CLEC16A: variants seen among roughly 807,000 people sequenced by gnomAD.
CLEC16A encodes C-type lectin domain containing 16A, also known as protein CLEC16A.
CLEC16A carries 51 observed loss-of-function variants against 109.5 expected under a neutral mutation model. That is an observed-to-expected ratio of 0.47 (90% CI 0.37 to 0.59). CLEC16A has a LOEUF of 0.59. Ranked by LOEUF, CLEC16A falls within the 20% of genes least tolerant of loss-of-function variation. The probability of loss-of-function intolerance (pLI) is 0.00; values close to 1 mark genes in which losing one functional copy is unlikely to be tolerated. For synonymous variants in CLEC16A, 673 were observed against 564.2 expected (o/e 1.19, Z -2.73); for missense variants, 1,339 against 1,394.0 (o/e 0.96, Z 0.63).
intron 1 of CLEC16A, among the ~76,000 whole-genome samples, chr16:10,946,494 TG>T (rs2041381742): frequency 6.6e-6 from 1 of 151,714 alleles, no homozygotes; most frequent in South Asian, 2.1e-4. Flanking sequence ...AGGACAAGTC[TG>T]GGGTGGGTAG....
intron 10 of CLEC16A, among the ~76,000 whole-genome samples, chr16:11,000,575 C>T (rs1409395728): frequency 6.6e-6 from 1 of 152,120 alleles, no homozygotes; most frequent in African/African-American, 2.4e-5. Context: ...ACCCGGCATC[C>T]TAAGTGGGCT....
chr16:10,949,524 G>T (rs947629090), intron 1 of CLEC16A, among the ~76,000 whole-genome samples: 6 of 152,010 alleles, frequency 3.9e-5, no homozygotes, highest in African/African-American at 1.5e-4. Flanking sequence ...GTGCACATTG[G>T]CAGAACTCAC....
At chr16:10,964,823 C>T (rs775618027) in intron 3 of CLEC16A, among the ~76,000 whole-genome samples, 25 of 152,132 alleles carry the variant, frequency 1.6e-4, no homozygotes, top group Non-Finnish European at 3.1e-4. Flanking sequence ...GAAATAATCA[C>T]GGCAATCAAG....
chr16:11,111,777 T>G (rs898066966), intron 19 of CLEC16A, among the ~76,000 whole-genome samples: 1 of 152,258 alleles, frequency 6.6e-6, no homozygotes, highest in African/African-American at 2.4e-5. Flanking sequence ...TCTTTTCTCC[T>G]CTAATCAGTT....
chr16:11,046,078 G>A (rs951220569), intron 16 of CLEC16A, among the ~76,000 whole-genome samples: 4 of 152,126 alleles, frequency 2.6e-5, no homozygotes, highest in Non-Finnish European at 5.9e-5. Flanking sequence ...CAAAGCCCAC[G>A]AGAAAGCAGA....
Position 11,178,507 on chromosome 16 carries a change from G to A in CLEC16A, c.2979G>A (p.Leu993=). 6.2e-7 allele frequency: 1 copy of A among 1,613,514 alleles called. No individual in the cohort carries two copies. Among genetic ancestry groups the A allele is most frequent in the African/African-American group, 1.3e-5 (1 of 75,060 alleles). ...CTGCCCGGCAGCCCACCATTTCCCT[G>A]CTCTGCGAGGACACGGCTGACACGC... The part of the protein sequence containing the change: ...LVPARQPTIS[L]LCEDTADTLS... The change falls in exon 24 of 24, where the codon CTG becomes CTA. Residue 993 remains leucine, a synonymous_variant. Transcript: ENST00000409790. This position sits in a 1 kb window ranked among gnomAD's most constrained non-coding sequence, Gnocchi z 6.5.
intron 19 of CLEC16A, among the ~76,000 whole-genome samples, chr16:11,114,785 C>T (rs2051858729): frequency 6.6e-6 from 1 of 152,118 alleles, no homozygotes; most frequent in Non-Finnish European, 1.5e-5. Context: ...AAAGGAGTCA[C>T]CCAAAACCCG....
At chr16:10,976,743 G>A (rs1321376293) in intron 7 of CLEC16A, among the ~76,000 whole-genome samples, 3 of 152,294 alleles carry the variant, frequency 2.0e-5, no homozygotes, top group South Asian at 4.1e-4. Flanking sequence ...GCTGGGAGAC[G>A]GAGACCTCCA....
At chr16:11,075,392 G>GTC (rs1166611086) in intron 19 of CLEC16A, among the ~76,000 whole-genome samples, 1 of 130,992 alleles carries the variant, frequency 7.6e-6, no homozygotes, top group African/African-American at 3.1e-5. Flanking sequence ...GTGTGTGTGT[G>GTC]TGTGTGTGTG....
At position 11,182,075 on chromosome 16, in the gene CLEC16A, C is replaced by G. The variant is rs1253818521; in HGVS notation, c.*3385C>G. 7 of 152,372 alleles carry G rather than the reference C, an allele frequency of 4.6e-5. No individual in the cohort carries two copies. The highest frequency in any genetic ancestry group is 5.9e-5 in the Non-Finnish European group (4 of 68,044). The allele number at this position is 152,372 out of a possible 1,614,324, so 9.4% of individuals were successfully genotyped here. On this transcript the variant is annotated 3_prime_UTR_variant, in exon 24 of 24. Transcript: ENST00000409790. ...CGGGACCGCTCTAGGGAAGTACCTG[C>G]TTTCGCCAGCATGACTCATGCTTCG...
chr16:10,953,750 G>A (rs1006218444), intron 1 of CLEC16A, among the ~76,000 whole-genome samples: 2 of 152,204 alleles, frequency 1.3e-5, no homozygotes, highest in East Asian at 1.9e-4. Flanking sequence ...GCTGAGGTAC[G>A]TGGATCACGA....
chr16:10,947,249 C>G (rs1254992325), intron 1 of CLEC16A, among the ~76,000 whole-genome samples: 1 of 152,224 alleles, frequency 6.6e-6, no homozygotes, highest in African/African-American at 2.4e-5. Flanking sequence ...GTTTTGTAAA[C>G]AGCCAGTGCC....
At chr16:11,122,174 G>A (rs1225880278) in intron 20 of CLEC16A, among the ~76,000 whole-genome samples, 1 of 152,178 alleles carries the variant, frequency 6.6e-6, no homozygotes, top group Non-Finnish European at 1.5e-5. Context: ...CCTGCTCTCT[G>A]CGAGAACCAC....
At chr16:11,152,915 A>C (rs532407470) in intron 22 of CLEC16A, among the ~76,000 whole-genome samples, 5 of 152,122 alleles carry the variant, frequency 3.3e-5, no homozygotes, top group Non-Finnish European at 5.9e-5. Flanking sequence ...GCTTCCAGGA[A>C]TTCATGGCTC....
intron 20 of CLEC16A, among the ~76,000 whole-genome samples, chr16:11,121,873 C>G (rs1198692647): frequency 9.1e-6 from 1 of 109,946 alleles, no homozygotes; most frequent in Admixed American, 1.1e-4. Context: ...GAGTGAGACC[C>G]TGTCTCAAAA....
At chr16:11,118,718 A>G (rs1356631322) in intron 19 of CLEC16A, among the ~76,000 whole-genome samples, 1 of 152,208 alleles carries the variant, frequency 6.6e-6, no homozygotes, top group African/African-American at 2.4e-5. Flanking sequence ...TGCATAGACC[A>G]ATGTCCAGAG....
intron 22 of CLEC16A, among the ~76,000 whole-genome samples, chr16:11,139,344 C>G (rs555971243): frequency 2.6e-5 from 4 of 152,376 alleles, no homozygotes; most frequent in Non-Finnish European, 4.4e-5. Flanking sequence ...CTTCTTTTCT[C>G]TCTATAACCA....
chr16:11,085,235 C>G (rs2049947385), intron 19 of CLEC16A, among the ~76,000 whole-genome samples: 1 of 152,268 alleles, frequency 6.6e-6, no homozygotes, highest in Non-Finnish European at 1.5e-5. Context: ...GGCTTTCAGC[C>G]TGGCTGTCAG....
intron 22 of CLEC16A, among the ~76,000 whole-genome samples, chr16:11,140,644 C>T (rs534782807): frequency 1.4e-4 from 22 of 152,304 alleles, no homozygotes; most frequent in Non-Finnish European, 3.1e-4. Flanking sequence ...GCTGACCCAA[C>T]ACGAAGCACC....
Sources: allele counts gnomAD v4.1 joint callset (sites outside exome capture counted in the v4.1 genomes callset), GRCh38; gene constraint gnomAD v4.1.1; non-coding constraint Gnocchi (gnomAD v3.1); transcripts MANE v1.5; gene names NCBI Gene and HGNC (gene_info 2026-07-23, HGNC 2026-07-21).